SEMA5A: variants seen among roughly 807,000 people sequenced by gnomAD.
The protein encoded by SEMA5A is semaphorin-5A.
SEMA5A carries 55 observed loss-of-function variants against 135.5 expected under a neutral mutation model. The ratio of observed to expected loss-of-function variants is 0.41; its 90% confidence interval spans 0.33 to 0.51. SEMA5A has a LOEUF of 0.51. SEMA5A is among the 20% of genes least tolerant of loss of function. SEMA5A has a pLI of 0.37. For synonymous variants in SEMA5A, 580 were observed against 546.5 expected (o/e 1.06, Z -0.85); for missense variants, 1,290 against 1,419.9 (o/e 0.91, Z 1.47).
chr5:9,296,609 C>T (rs565934878), intron 5 of SEMA5A, among the ~76,000 whole-genome samples: 13 of 152,098 alleles, frequency 8.5e-5, no homozygotes, highest in Admixed American at 3.3e-4. Context: ...TACCTTTATG[C>T]TCAAGCTTAA....
At chr5:9,242,386 G>T (rs1233567140) in intron 5 of SEMA5A, among the ~76,000 whole-genome samples, 1 of 152,182 alleles carries the variant, frequency 6.6e-6, no homozygotes, top group Non-Finnish European at 1.5e-5. Context: ...GGATTTGTTC[G>T]ATGTTCCTCT....
chr5:9,403,531 G>T (rs147753867), intron 2 of SEMA5A, among the ~76,000 whole-genome samples: 226 of 152,262 alleles, frequency 1.5e-3, no homozygotes, highest in African/African-American at 5.2e-3. Flanking sequence ...CATATTAATT[G>T]TACTTTCCTT....
At chr5:9,477,236 C>T (rs1759702714) in intron 1 of SEMA5A, among the ~76,000 whole-genome samples, 1 of 152,114 alleles carries the variant, frequency 6.6e-6, no homozygotes, top group African/African-American at 2.4e-5. Context: ...AATTAAATCT[C>T]TTTTCTTTAT....
intron 3 of SEMA5A, among the ~76,000 whole-genome samples, chr5:9,372,773 G>A (rs3798007): frequency 1.4e-4 from 22 of 152,216 alleles, no homozygotes; most frequent in African/African-American, 4.8e-4. Context: ...ACACATGCAC[G>A]GAGCCATGTC....
intron 10 of SEMA5A, among the ~76,000 whole-genome samples, chr5:9,190,735 A>G (rs953897155): frequency 6.6e-6 from 1 of 152,198 alleles, no homozygotes; most frequent in Admixed American, 6.5e-5. Flanking sequence ...TTAAAGTGGG[A>G]GTGATTGCTA....
chr5:9,451,367 A>G (rs1244458640), intron 1 of SEMA5A, among the ~76,000 whole-genome samples: 3 of 152,180 alleles, frequency 2.0e-5, no homozygotes, highest in Admixed American at 6.5e-5. Context: ...GACAAAACCC[A>G]TCATTAGACT....
At chr5:9,207,116 A>ATATATATATATATATG (rs1554003365) in intron 8 of SEMA5A, among the ~76,000 whole-genome samples, 2,984 of 135,166 alleles carry the variant, frequency 0.022, 112 homozygotes, top group Middle Eastern at 0.089. Flanking sequence ...ATATATATAT[A>ATATATATATATATATG]TATATATATA....
At chr5:9,233,788 G>A (rs1223211204) in intron 6 of SEMA5A, among the ~76,000 whole-genome samples, 2 of 152,116 alleles carry the variant, frequency 1.3e-5, no homozygotes, top group East Asian at 1.9e-4. Context: ...GCTCCCATCA[G>A]AACAGCAAGT....
chr5:9,277,499 T>C (rs904701697), intron 5 of SEMA5A, among the ~76,000 whole-genome samples: 1 of 152,134 alleles, frequency 6.6e-6, no homozygotes, highest in Non-Finnish European at 1.5e-5. Context: ...CATTCTACTA[T>C]AAAGACACAT....
intron 8 of SEMA5A, among the ~76,000 whole-genome samples, chr5:9,208,800 C>G (rs150764621): frequency 0.01 from 1,529 of 152,264 alleles, 34 homozygotes; most frequent in African/African-American, 0.035. Context: ...TAAAGAAAAA[C>G]TTATCACTCC....
At chr5:9,197,369 T>C (rs1202915116) in intron 9 of SEMA5A, 66 bp from the exon 10 acceptor site, 10 of 1,568,906 alleles carry the variant, frequency 6.4e-6, no homozygotes, top group South Asian at 1.1e-5. Context: ...CCTCCCCCTA[T>C]GGACTGGGCA....
At chr5:9,418,122 G>A (rs1757344154) in intron 2 of SEMA5A, among the ~76,000 whole-genome samples, 1 of 152,026 alleles carries the variant, frequency 6.6e-6, no homozygotes, top group Non-Finnish European at 1.5e-5. Context: ...GACTACAGGT[G>A]CCCGCTACCA....
intron 1 of SEMA5A, among the ~76,000 whole-genome samples, chr5:9,457,510 A>C (rs1758883643): frequency 6.6e-6 from 1 of 152,216 alleles, no homozygotes; most frequent in Non-Finnish European, 1.5e-5. Context: ...CATAACAAAC[A>C]AATATTTCTG....
chr5:9,171,139 T>C (rs924111160), intron 11 of SEMA5A, among the ~76,000 whole-genome samples: 4 of 152,204 alleles, frequency 2.6e-5, no homozygotes, highest in Admixed American at 2.6e-4. Flanking sequence ...TGAACACAGG[T>C]CCTCCCATAA....
intron 5 of SEMA5A, among the ~76,000 whole-genome samples, chr5:9,242,686 T>C (rs113870641): frequency 1.4e-4 from 21 of 152,154 alleles, no homozygotes; most frequent in African/African-American, 4.8e-4. Flanking sequence ...GGGCGATGGG[T>C]GCACCAGGAT....
intron 11 of SEMA5A, among the ~76,000 whole-genome samples, chr5:9,171,108 A>G (rs1227652139): frequency 6.6e-6 from 1 of 152,142 alleles, no homozygotes; most frequent in Admixed American, 6.5e-5. Flanking sequence ...AGATGCCTAC[A>G]CCTCCATCAA....
chr5:9,248,548 T>C (rs1748593786), intron 5 of SEMA5A, among the ~76,000 whole-genome samples: 1 of 107,140 alleles, frequency 9.3e-6, no homozygotes, highest in Admixed American at 1.1e-4. Flanking sequence ...TGAAGTTAAC[T>C]CATACGGCAA....
intron 4 of SEMA5A, among the ~76,000 whole-genome samples, chr5:9,328,668 C>T (rs550847760): frequency 5.5e-4 from 84 of 152,200 alleles, no homozygotes; most frequent in African/African-American, 2.0e-3. Flanking sequence ...CTCAGCTACT[C>T]GGGAGGCTGA....
intron 1 of SEMA5A, among the ~76,000 whole-genome samples, chr5:9,503,849 A>C (rs1735717939): frequency 6.6e-6 from 1 of 152,260 alleles, no homozygotes; most frequent in Non-Finnish European, 1.5e-5. Context: ...ATAAATGTCC[A>C]GAGTAATGCC....
Sources: gnomAD v4.1 joint callset for allele counts (sites outside exome capture counted in the v4.1 genomes callset) on GRCh38, gnomAD v4.1.1 for gene constraint, MANE v1.5 for transcripts, NCBI Gene and HGNC (gene_info 2026-07-23, HGNC 2026-07-21) for gene names.